GRM5: variants seen among roughly 807,000 people sequenced by gnomAD.
The protein encoded by GRM5 is metabotropic glutamate receptor 5.
GRM5 carries 19 observed loss-of-function variants against 83.1 expected under a neutral mutation model. That is an observed-to-expected ratio of 0.23 (90% CI 0.16 to 0.34). The LOEUF (loss-of-function observed/expected upper bound fraction) is 0.34. Ranked by LOEUF, GRM5 falls within the 10% of genes least tolerant of loss-of-function variation. The pLI, the probability that GRM5 is intolerant of heterozygous loss-of-function variation, is 1.00. For missense variants in GRM5, 1,160 were observed against 1,588.3 expected, an observed-to-expected ratio of 0.73 and a Z score of 4.58; for synonymous variants, 675 against 633.6, an observed-to-expected ratio of 1.07 and a Z score of -0.98.
chr11:88,795,215 C>T (rs183758325), intron 3 of GRM5, among the ~76,000 whole-genome samples: 2 of 152,266 alleles, frequency 1.3e-5, no homozygotes, highest in African/African-American at 2.4e-5. Flanking sequence ...AATTCACAAG[C>T]GAGAAAGCAG....
chr11:89,000,153 G>T (rs555927436), intron 2 of GRM5, among the ~76,000 whole-genome samples: 1 of 152,178 alleles, frequency 6.6e-6, no homozygotes, highest in South Asian at 2.1e-4. Flanking sequence ...AGGAGTTAAT[G>T]GGTGCAGCAC....
At chr11:88,849,865 C>T in intron 3 of GRM5, 41 bp downstream of exon 3, 1 of 1,595,042 alleles carries the variant, frequency 6.3e-7, no homozygotes. Flanking sequence ...CTGCCAAATT[C>T]CTGGTATTAA....
At chr11:88,933,501 G>A (rs1937787262) in intron 2 of GRM5, among the ~76,000 whole-genome samples, 1 of 151,758 alleles carries the variant, frequency 6.6e-6, no homozygotes, top group South Asian at 2.1e-4. Flanking sequence ...CTATGAATGT[G>A]CTACTCTTTG....
intron 4 of GRM5, among the ~76,000 whole-genome samples, chr11:88,634,931 C>T (rs575779713): frequency 8.5e-5 from 13 of 152,204 alleles, no homozygotes; most frequent in Admixed American, 2.0e-4. Context: ...TGTGATGAGA[C>T]CATTGTTGTA....
chr11:88,868,811 C>T (rs1944714026), intron 2 of GRM5, among the ~76,000 whole-genome samples: 1 of 151,738 alleles, frequency 6.6e-6, no homozygotes, highest in Non-Finnish European at 1.5e-5. Context: ...GGGCACCTCA[C>T]AAAGCAAATT....
intron 8 of GRM5, among the ~76,000 whole-genome samples, chr11:88,526,702 A>T (rs1489336872): frequency 6.6e-6 from 1 of 151,878 alleles, no homozygotes; most frequent in East Asian, 1.9e-4. Context: ...ATCATTATTG[A>T]TCCTGGGGCA....
intron 2 of GRM5, among the ~76,000 whole-genome samples, chr11:88,860,622 C>T (rs1431320424): frequency 6.6e-6 from 1 of 152,164 alleles, no homozygotes; most frequent in African/African-American, 2.4e-5. Flanking sequence ...TCTTTGACAG[C>T]AGCTCCCTGG....
At chr11:88,677,904 A>G (rs1940376579) in intron 3 of GRM5, among the ~76,000 whole-genome samples, 1 of 152,142 alleles carries the variant, frequency 6.6e-6, no homozygotes, top group African/African-American at 2.4e-5. Flanking sequence ...TGCTGTTACT[A>G]TATTCAGATA....
intron 2 of GRM5, among the ~76,000 whole-genome samples, chr11:89,033,143 A>G (rs1357889194): frequency 6.6e-6 from 1 of 152,076 alleles, no homozygotes; most frequent in East Asian, 1.9e-4. Flanking sequence ...TTAACTGATT[A>G]TTCAATTGAC....
chr11:88,688,515 A>G (rs1940702642), intron 3 of GRM5, among the ~76,000 whole-genome samples: 1 of 152,060 alleles, frequency 6.6e-6, no homozygotes, highest in African/African-American at 2.4e-5. Context: ...AAAAGTTGGA[A>G]CTCTTAAATT....
chr11:88,714,916 TCTGA>T (rs139419903), intron 3 of GRM5, among the ~76,000 whole-genome samples: 7,198 of 152,010 alleles, frequency 0.047, 161 homozygotes, highest in Middle Eastern at 0.072. Context: ...GACCCTAACC[TCTGA>T]CTGAGTTTTC....
chr11:88,876,523 G>T (rs540004996), intron 2 of GRM5, among the ~76,000 whole-genome samples: 2 of 152,114 alleles, frequency 1.3e-5, no homozygotes, highest in African/African-American at 4.8e-5. Context: ...TTCACAACTT[G>T]ACTAAGTGGC....
intron 2 of GRM5, among the ~76,000 whole-genome samples, chr11:89,035,298 G>A (rs1941358455): frequency 6.6e-6 from 1 of 151,678 alleles, no homozygotes; most frequent in Admixed American, 6.6e-5. Flanking sequence ...ATGTACTTCA[G>A]TATGTCTTAC....
At chr11:88,674,407 T>G (rs1940270735) in intron 3 of GRM5, among the ~76,000 whole-genome samples, 1 of 151,972 alleles carries the variant, frequency 6.6e-6, no homozygotes, top group South Asian at 2.1e-4. Context: ...TCTAATTACT[T>G]CTACATATCT....
At chr11:88,987,338 C>T (rs921247971) in intron 2 of GRM5, among the ~76,000 whole-genome samples, 1 of 152,002 alleles carries the variant, frequency 6.6e-6, no homozygotes, top group Admixed American at 6.6e-5. Flanking sequence ...ATTATATCCC[C>T]CAGCTGGCTC....
At chr11:88,683,694 T>C (rs1259025254) in intron 3 of GRM5, among the ~76,000 whole-genome samples, 1 of 152,196 alleles carries the variant, frequency 6.6e-6, no homozygotes, top group African/African-American at 2.4e-5. Flanking sequence ...CTACTTTAGG[T>C]AAATGTAAAT....
intron 2 of GRM5, among the ~76,000 whole-genome samples, chr11:89,032,441 C>T (rs1020945729): frequency 4.6e-5 from 7 of 151,904 alleles, no homozygotes; most frequent in Non-Finnish European, 7.4e-5. Context: ...CCAACAGTAC[C>T]CTGGCACCAG....
intron 2 of GRM5, among the ~76,000 whole-genome samples, chr11:88,973,302 T>A (rs1288348300): frequency 6.6e-6 from 1 of 152,108 alleles, no homozygotes; most frequent in Admixed American, 6.6e-5. Flanking sequence ...CCTAAAGGTA[T>A]CAGGTTCTGA....
At chr11:88,740,591 C>T (rs1013232815) in intron 3 of GRM5, among the ~76,000 whole-genome samples, 3 of 151,968 alleles carry the variant, frequency 2.0e-5, no homozygotes, top group African/African-American at 7.2e-5. Flanking sequence ...GTAACCTTCC[C>T]ACATTACTCC....
Sources: allele counts gnomAD v4.1 joint callset (sites outside exome capture counted in the v4.1 genomes callset), GRCh38; gene constraint gnomAD v4.1.1; transcripts MANE v1.5; gene names NCBI Gene and HGNC (gene_info 2026-07-23, HGNC 2026-07-21).